Variants in ENTPD1 observed in about 807,000 individuals in gnomAD.
ENTPD1 encodes ectonucleoside triphosphate diphosphohydrolase 1.
In ENTPD1, 33 loss-of-function variants were observed where a neutral mutation model predicts 57.0. The ratio of observed to expected loss-of-function variants is 0.58; its 90% CI spans 0.44 to 0.77. ENTPD1 has a LOEUF of 0.77. Ranked by LOEUF, ENTPD1 falls within the 30% of genes least tolerant of loss-of-function variation. ENTPD1 has a pLI of 0.00. For synonymous variants in ENTPD1, 202 were observed against 218.8 expected (o/e 0.92, Z 0.68); for missense variants, 501 against 603.4 (o/e 0.83, Z 1.78).
chr10:95,841,724 C>G (rs530184093), intron 3 of ENTPD1, among the ~76,000 whole-genome samples: 4 of 152,310 alleles, frequency 2.6e-5, no homozygotes, highest in Non-Finnish European at 5.9e-5. Flanking sequence ...AATCTTGGCT[C>G]TAATCCTCCA....
At chr10:95,788,929 G>T (rs1439023666) in intron 1 of ENTPD1, among the ~76,000 whole-genome samples, 4 of 152,190 alleles carry the variant, frequency 2.6e-5, no homozygotes, top group Non-Finnish European at 2.9e-5. Flanking sequence ...GAAGCTAGGA[G>T]AATTCTTTTA....
chr10:95,791,016 A>G lies in ENTPD1; in HGVS notation c.17-32221A>G, dbSNP rs2098201684. On this transcript the variant is annotated intron_variant, in intron 1 of 9. Transcript: ENST00000371205. The surrounding 1 kb of genome is among the most constrained non-coding windows in gnomAD (Gnocchi z 4.1). ...TAGTGAGACTGCAATGTATTACATAAAAGGATCAAGTATCATCAGGCTGGA... is the reference window on the plus strand; with the variant it reads ...TAGTGAGACTGCAATGTATTACATAGAAGGATCAAGTATCATCAGGCTGGA... Among the ~76,000 whole-genome samples, 1 of 152,212 alleles carries G rather than the reference A, an allele frequency of 6.6e-6. No homozygotes were observed. The highest frequency in any genetic ancestry group is 1.5e-5 in the Non-Finnish European group (1 of 68,032).
rs1395057724 is a variant in ENTPD1 at position 95,791,235 on chromosome 10, T to A, written c.17-32002T>A. Among the ~76,000 whole-genome samples, 1 of 152,200 alleles carries A rather than the reference T, an allele frequency of 6.6e-6. No individual in the cohort carries two copies. Among genetic ancestry groups the A allele is most frequent in the Non-Finnish European group, 1.5e-5 (1 of 68,034 alleles). On this transcript the variant is annotated intron_variant, in intron 1 of 9. Transcript: ENST00000371205. This position sits in a 1 kb window ranked among gnomAD's most constrained non-coding sequence, Gnocchi z 4.1. ...AGGTGAAGGGCTATAATAACTTCACTGTATCTGCTATATTCAGTTCAGAGC... is the reference window on the plus strand; with the variant it reads ...AGGTGAAGGGCTATAATAACTTCACAGTATCTGCTATATTCAGTTCAGAGC...
At chr10:95,779,965 C>G (rs951075368) in intron 1 of ENTPD1, among the ~76,000 whole-genome samples, 1 of 152,000 alleles carries the variant, frequency 6.6e-6, no homozygotes, top group Non-Finnish European at 1.5e-5. Context: ...GTGGCTAGTT[C>G]GATACAACTA....
intron 3 of ENTPD1, among the ~76,000 whole-genome samples, chr10:95,841,310 C>G (rs374717214): frequency 6.6e-6 from 1 of 152,098 alleles, no homozygotes; most frequent in East Asian, 1.9e-4. Context: ...TCACTTGAAC[C>G]CGGGAGGCGG....
At chr10:95,830,269 C>T (rs1348417588) in intron 2 of ENTPD1, among the ~76,000 whole-genome samples, 1 of 152,070 alleles carries the variant, frequency 6.6e-6, no homozygotes, top group African/African-American at 2.4e-5. Context: ...CCTGGGGAAT[C>T]AGCAGCTCAG....
chr10:95,865,281 A>T (rs200272435), intron 9 of ENTPD1, among the ~76,000 whole-genome samples: 1 of 152,338 alleles, frequency 6.6e-6, no homozygotes, highest in East Asian at 1.9e-4. Context: ...AGGTTGACCA[A>T]TCTGAAAGCT....
At chr10:95,790,790 G>T (rs1026765009) in intron 1 of ENTPD1, among the ~76,000 whole-genome samples, 6 of 152,256 alleles carry the variant, frequency 3.9e-5, no homozygotes, top group African/African-American at 1.4e-4. Flanking sequence ...GGATAAGAAT[G>T]AACTAAAAGG....
chr10:95,842,564 T>C (rs2098424787), intron 4 of ENTPD1, 70 bp downstream of exon 4: 2 of 1,562,302 alleles, frequency 1.3e-6, no homozygotes, highest in African/African-American at 1.4e-5. Context: ...TCTGAAGTTA[T>C]GGGAAAGGGC....
At chr10:95,857,434 G>A (rs989034522) in intron 7 of ENTPD1, among the ~76,000 whole-genome samples, 16 of 152,138 alleles carry the variant, frequency 1.1e-4, no homozygotes, top group Non-Finnish European at 2.9e-5. Flanking sequence ...CTTTTGAAAT[G>A]TAACAATTTA....
At chr10:95,728,139 G>T (rs1034010010) in intron 1 of ENTPD1, among the ~76,000 whole-genome samples, 1 of 152,126 alleles carries the variant, frequency 6.6e-6, no homozygotes, top group African/African-American at 2.4e-5. Flanking sequence ...CAATGTGGGG[G>T]CTATAGGCGC....
chr10:95,728,308 A>G (rs933963476), intron 1 of ENTPD1, among the ~76,000 whole-genome samples: 1 of 111,146 alleles, frequency 9.0e-6, no homozygotes, highest in Non-Finnish European at 2.0e-5. Flanking sequence ...ATAATAAAGT[A>G]AGCTAAGTAA....
chr10:95,873,234 G>A lies in ENTPD1; in HGVS notation c.*6851G>A. ...TTCTTTTACAGGCTCTCAGATCAGT[G>A]TTCATCCACTACCTGACTACTGTCA... On this transcript the variant is annotated 3_prime_UTR_variant, in exon 10 of 10. Transcript: ENST00000371205. 3.0e-6 allele frequency: 3 copies of A among 985,100 alleles called. No individual in the cohort carries two copies. Among genetic ancestry groups the A allele is most frequent in the Non-Finnish European group, 3.6e-6 (3 of 829,634 alleles). The allele number at this position is 985,100 out of a possible 1,614,324, so 61.0% of individuals were successfully genotyped here.
intron 1 of ENTPD1, among the ~76,000 whole-genome samples, chr10:95,735,757 G>A (rs970990470): frequency 9.9e-5 from 15 of 151,554 alleles, no homozygotes; most frequent in Admixed American, 6.6e-4. Context: ...CACCATGCTC[G>A]GCTAATTTTT....
intron 1 of ENTPD1, among the ~76,000 whole-genome samples, chr10:95,801,721 G>T (rs1425162335): frequency 1.3e-5 from 2 of 152,028 alleles, no homozygotes; most frequent in East Asian, 1.9e-4. Flanking sequence ...AAGCTGTTTT[G>T]GTTACTGTAA....
the ENTPD1 span, among the ~76,000 whole-genome samples, chr10:95,703,918 C>A: frequency 6.6e-6 from 1 of 151,646 alleles, no homozygotes; most frequent in African/African-American, 2.4e-5. Context: ...TGGTGAAACC[C>A]CATCTCTACT....
chr10:95,838,495 TAC>T (rs958033054), intron 2 of ENTPD1, among the ~76,000 whole-genome samples: 1 of 152,226 alleles, frequency 6.6e-6, no homozygotes, highest in African/African-American at 2.4e-5. Context: ...GAACTACTGA[TAC>T]ACACAGTTTG....
rs549798739 is a variant in ENTPD1, at chr10:95,791,145, G to A, written c.17-32092G>A. On this transcript the variant is annotated intron_variant, in intron 1 of 9. Coordinates refer to ENST00000371205, the MANE Select transcript of ENTPD1 (RefSeq NM_001776.6). This position sits in a 1 kb window ranked among gnomAD's most constrained non-coding sequence, Gnocchi z 4.1. The stretch of plus-strand genomic sequence containing the variant: ...AAGATCTGTAGGTTTTACTAGACCC[G>A]TAGCCCTCAGTATGAGTATCTAAAA... Among the ~76,000 whole-genome samples, 3 of 152,156 alleles carry A rather than the reference G, an allele frequency of 2.0e-5. No individual in the cohort carries two copies. The highest frequency in any genetic ancestry group is 2.9e-5 in the Non-Finnish European group (2 of 68,034).
chr10:95,760,814 CTTTTTTTTTTTTTT>C (rs71034350), intron 1 of ENTPD1, among the ~76,000 whole-genome samples: 17 of 62,974 alleles, frequency 2.7e-4, no homozygotes, highest in South Asian at 8.4e-4. Flanking sequence ...AGAGTTTATT[CTTTTTTTTTTTTTT>C]TTTTTTTTTT....
Sources: gnomAD v4.1 joint callset for allele counts (sites outside exome capture counted in the v4.1 genomes callset) on GRCh38, gnomAD v4.1.1 for gene constraint, Gnocchi (gnomAD v3.1) non-coding constraint, MANE v1.5 for transcripts, NCBI Gene and HGNC (gene_info 2026-07-23, HGNC 2026-07-21) for gene names.